NUSAP1: variants seen among roughly 807,000 people sequenced by gnomAD.
NUSAP1 encodes the protein nucleolar and spindle-associated protein 1.
NUSAP1 carries 32 observed loss-of-function variants against 52.8 expected under a neutral mutation model. The observed-to-expected ratio is 0.61, with a 90% CI of 0.46 to 0.81. The LOEUF (loss-of-function observed/expected upper bound fraction) is 0.81, where lower values mean the gene tolerates loss of function less well. NUSAP1 is among the 40% of genes least tolerant of loss of function. The pLI, the probability that NUSAP1 is intolerant of heterozygous loss-of-function variation, is 0.00. For synonymous variants in NUSAP1, 195 were observed against 183.1 expected, an observed-to-expected ratio of 1.06 and a Z score of -0.52; for missense variants, 499 against 522.3, an observed-to-expected ratio of 0.96 and a Z score of 0.43.
chr15:41,377,149 T>G (rs1169437449), intron 9 of NUSAP1, 47 bp from the exon 10 acceptor site: 9 of 994,980 alleles, frequency 9.0e-6, no homozygotes, highest in Admixed American at 7.9e-5. Context: ...GTTGGGAATA[T>G]AAATCAAACA....
chr15:41,338,916 G>T (rs1166896890), intron 1 of NUSAP1, among the ~76,000 whole-genome samples: 1 of 151,798 alleles, frequency 6.6e-6, no homozygotes, highest in Non-Finnish European at 1.5e-5. Flanking sequence ...AGTGAGCCAA[G>T]ATCACGGCAC....
intron 1 of NUSAP1, among the ~76,000 whole-genome samples, chr15:41,341,158 T>A (rs541061244): frequency 4.6e-4 from 70 of 152,282 alleles, no homozygotes; most frequent in Middle Eastern, 3.4e-3. Context: ...CTTCGCCTCC[T>A]GGGTTCAAGC....
chr15:41,357,717 T>C (rs2049024560), intron 5 of NUSAP1, among the ~76,000 whole-genome samples: 1 of 127,588 alleles, frequency 7.8e-6, no homozygotes. Flanking sequence ...GTGCTGAGAT[T>C]ACAGGTGTTG....
chr15:41,370,120 G>A (rs1176330238), intron 7 of NUSAP1, among the ~76,000 whole-genome samples: 5 of 147,234 alleles, frequency 3.4e-5, no homozygotes, highest in South Asian at 4.4e-4. Flanking sequence ...GGTGGCTCAC[G>A]CCTGTAATCC....
chr15:41,361,462 T>C (rs2049176632), intron 6 of NUSAP1, among the ~76,000 whole-genome samples: 1 of 152,108 alleles, frequency 6.6e-6, no homozygotes, highest in Non-Finnish European at 1.5e-5. Context: ...GGCTCACACC[T>C]GTCAATCCAC....
intron 2 of NUSAP1, chr15:41,345,483 G>C (rs1246299158): frequency 2.7e-6 from 1 of 366,874 alleles, no homozygotes; most frequent in African/African-American, 2.6e-5. Flanking sequence ...TTTTTTTTCT[G>C]AGTTTCACTC....
intron 6 of NUSAP1, among the ~76,000 whole-genome samples, chr15:41,362,357 A>ATTC (rs1406830786): frequency 6.7e-6 from 1 of 150,124 alleles, no homozygotes; most frequent in African/African-American, 2.4e-5. Flanking sequence ...CTCAATTATT[A>ATTC]TTCTTATTTA....
chr15:41,375,008 AT>A (rs202139133), intron 8 of NUSAP1, among the ~76,000 whole-genome samples: 2,283 of 122,494 alleles, frequency 0.019, 68 homozygotes, highest in African/African-American at 0.064. Flanking sequence ...CACCTAGCTA[AT>A]TTTTTTTTTT....
chr15:41,333,010 AG>A lies in NUSAP1; in HGVS notation c.54del (p.Asn19ThrfsTer2). 6.2e-7 allele frequency: 1 copy of A among 1,612,266 alleles called. No homozygotes were observed. Among genetic ancestry groups the A allele is most frequent in the Non-Finnish European group, 8.5e-7 (1 of 1,179,220 alleles). On this transcript the variant is annotated frameshift_variant, in exon 1 of 11. Coordinates refer to ENST00000559596, the MANE Select transcript of NUSAP1 (RefSeq NM_016359.5). LOFTEE classifies it high-confidence loss of function. ...GACTCCCTCAAGTACAGTGACCTGC[AG>A]AACTTAGCCAAGAGTCTGGGTCTCC... ...ELDSLKYSDLQNLAKSLGLRA... is the reference protein window; with the variant it reads ...ELDSLKYSDLXNLAKSLGLRA...
At chr15:41,353,997 A>T (rs900665280) in intron 4 of NUSAP1, among the ~76,000 whole-genome samples, 1 of 152,124 alleles carries the variant, frequency 6.6e-6, no homozygotes, top group African/African-American at 2.4e-5. Flanking sequence ...AAAATAAAGA[A>T]ACGACAGAAT....
intron 8 of NUSAP1, among the ~76,000 whole-genome samples, chr15:41,375,509 C>A (rs1227349254): frequency 6.6e-6 from 1 of 152,082 alleles, no homozygotes; most frequent in African/African-American, 2.4e-5. Context: ...GACAGGGTTT[C>A]ACCATGTTGG....
chr15:41,345,513 G>A (rs1161753175), intron 2 of NUSAP1: 2 of 411,280 alleles, frequency 4.9e-6, no homozygotes, highest in East Asian at 8.1e-5. Context: ...AGGCTGGAGT[G>A]CAATGACACG....
chr15:41,342,570 G>A (rs1380261649), intron 2 of NUSAP1, 116 bp downstream of exon 2: 1 of 797,812 alleles, frequency 1.3e-6, no homozygotes, highest in Non-Finnish European at 2.0e-6. Context: ...AGGTGTTGTG[G>A]CTCACGCCTA....
intron 6 of NUSAP1, among the ~76,000 whole-genome samples, chr15:41,361,225 C>A (rs994816844): frequency 2.6e-5 from 4 of 151,950 alleles, no homozygotes; most frequent in Admixed American, 2.6e-4. Flanking sequence ...GAAACCCCAT[C>A]TTTACTAAAA....
At chr15:41,370,055 C>T (rs1176422145) in intron 7 of NUSAP1, among the ~76,000 whole-genome samples, 1 of 150,168 alleles carries the variant, frequency 6.7e-6, no homozygotes, top group East Asian at 2.0e-4. Context: ...GGTAACAGTG[C>T]GAGACTCCAT....
At chr15:41,337,762 G>T (rs775810678) in intron 1 of NUSAP1, among the ~76,000 whole-genome samples, 8 of 151,896 alleles carry the variant, frequency 5.3e-5, no homozygotes, top group African/African-American at 1.9e-4. Flanking sequence ...GATATTTCAC[G>T]CTGTCCTGCC....
In NUSAP1 at chr15:41,365,419, G is replaced by A. The variant is rs1473487257; in HGVS notation, c.678G>A (p.Lys226=). 3.7e-6 allele frequency: 6 copies of A among 1,609,098 alleles called. No homozygotes were observed. The highest frequency in any genetic ancestry group is 5.1e-6 in the Non-Finnish European group (6 of 1,176,886). The part of the protein sequence containing the change: ...MNELKQQPIN[K]GGVRTPVPPR... The stretch of plus-strand genomic sequence containing the variant: ...CTCTTCAGCAGCAGCCCATCAATAA[G>A]GGAGGGGTCAGGACTCCAGTACCTC... Residue 226 remains lysine (K), a synonymous_variant, in exon 7 of 11, where the codon AAG becomes AAA. Coordinates refer to ENST00000559596, the MANE Select transcript of NUSAP1 (RefSeq NM_016359.5).
At chr15:41,379,345 G>A (rs191483339) in intron 10 of NUSAP1, among the ~76,000 whole-genome samples, 161 of 150,652 alleles carry the variant, frequency 1.1e-3, no homozygotes, top group Admixed American at 2.5e-3. Flanking sequence ...CACCCAGACT[G>A]GAGTACAATG....
chr15:41,333,026 T>C lies in NUSAP1; in HGVS notation c.69T>C (p.Ser23=). Residue 23 remains serine (S), a synonymous_variant, in exon 1 of 11, where the codon AGT becomes AGC. Transcript: ENST00000559596. ...KYSDLQNLAK[S]LGLRANLRAT... The stretch of plus-strand genomic sequence containing the variant: ...GTGACCTGCAGAACTTAGCCAAGAG[T>C]CTGGGTCTCCGGGCCAACCTGAGGG... 6.2e-7 allele frequency: 1 copy of C among 1,610,896 alleles called. No individual in the cohort carries two copies. Among genetic ancestry groups the C allele is most frequent in the South Asian group, 1.1e-5 (1 of 90,486 alleles).
Sources: allele counts gnomAD v4.1 joint callset (sites outside exome capture counted in the v4.1 genomes callset), GRCh38; gene constraint gnomAD v4.1.1; transcripts MANE v1.5; gene names NCBI Gene and HGNC (gene_info 2026-07-23, HGNC 2026-07-21).